SHISA9: variants seen among roughly 807,000 people sequenced by gnomAD.
SHISA9 encodes the protein shisa family member 9.
In SHISA9, 13 loss-of-function variants were observed where a neutral mutation model predicts 38.0. The observed-to-expected ratio is 0.34, with a 90% confidence interval of 0.22 to 0.54. The LOEUF is 0.54. Ranked by LOEUF, SHISA9 falls within the 20% of genes least tolerant of loss-of-function variation. The probability of loss-of-function intolerance (pLI) is 0.91; values close to 1 mark genes in which losing one functional copy is unlikely to be tolerated. For missense variants in SHISA9, 538 were observed against 575.8 expected (o/e 0.93, Z 0.67); for synonymous variants, 275 against 242.0 (o/e 1.14, Z -1.27).
the SHISA9 span, among the ~76,000 whole-genome samples, chr16:13,388,382 G>A: frequency 6.6e-6 from 1 of 151,272 alleles, no homozygotes; most frequent in Non-Finnish European, 1.5e-5. Flanking sequence ...CTCAATCTCG[G>A]CTCACTGCAA....
chr16:13,123,811 A>T (rs141470339), intron 2 of SHISA9, among the ~76,000 whole-genome samples: 14 of 152,350 alleles, frequency 9.2e-5, no homozygotes, highest in African/African-American at 3.4e-4. Context: ...ACAAGGCCAC[A>T]TTTCAAATCC....
intron 2 of SHISA9, among the ~76,000 whole-genome samples, chr16:13,048,372 C>T (rs1397658673): frequency 2.0e-5 from 3 of 152,190 alleles, no homozygotes; most frequent in Non-Finnish European, 2.9e-5. Flanking sequence ...CATCTCTTGA[C>T]TGTGCAATTT....
At chr16:13,484,211 G>C in the SHISA9 span, among the ~76,000 whole-genome samples, 1 of 152,212 alleles carries the variant, frequency 6.6e-6, no homozygotes, top group Non-Finnish European at 1.5e-5. Flanking sequence ...GTTGATGATT[G>C]TTGTTGTGGT....
At chr16:12,974,484 T>G (rs1417797342) in intron 2 of SHISA9, among the ~76,000 whole-genome samples, 2 of 64,014 alleles carry the variant, frequency 3.1e-5, no homozygotes, top group East Asian at 4.5e-4. Flanking sequence ...TGGTGGTTTT[T>G]TTTTTTTTTT....
At position 13,075,261 on chromosome 16, in the gene SHISA9, T is replaced by C. The variant is rs73518752; in HGVS notation, c.692-128133T>C. ...CTTGGATAGCATAATGAAGTCAACA[T>C]GCTGCATAATTACATACTTGGGAAG... On this transcript the variant is annotated intron_variant, in intron 2 of 4. Coordinates refer to ENST00000558583, the MANE Select transcript of SHISA9 (RefSeq NM_001145204.3). Among the ~76,000 whole-genome samples, 785 of 152,318 alleles carry C rather than the reference T, an allele frequency of 5.2e-3. 9 individuals are homozygous for C. The highest frequency in any genetic ancestry group is 0.018 in the African/African-American group (754 of 41,572).
chr16:13,407,231 G>C, the SHISA9 span, among the ~76,000 whole-genome samples: 1 of 152,142 alleles, frequency 6.6e-6, no homozygotes. Flanking sequence ...GGTGCAGGCA[G>C]GTTCAAGGTC....
At chr16:13,549,199 G>A in the SHISA9 span, among the ~76,000 whole-genome samples, 4 of 152,178 alleles carry the variant, frequency 2.6e-5, no homozygotes, top group Admixed American at 6.5e-5. Context: ...AATAATTGTT[G>A]CCAGAGACTG....
At chr16:13,352,952 T>C in the SHISA9 span, among the ~76,000 whole-genome samples, 1 of 152,170 alleles carries the variant, frequency 6.6e-6, no homozygotes, top group Non-Finnish European at 1.5e-5. Context: ...TTCACTTCTT[T>C]TGTGATTCTT....
intron 2 of SHISA9, among the ~76,000 whole-genome samples, chr16:13,011,176 C>T (rs548054605): frequency 1.3e-5 from 2 of 152,108 alleles, no homozygotes; most frequent in South Asian, 2.1e-4. Context: ...GACAGTGAAC[C>T]TTTCTTTTAT....
At chr16:13,032,102 A>C (rs1246861708) in intron 2 of SHISA9, among the ~76,000 whole-genome samples, 1 of 151,686 alleles carries the variant, frequency 6.6e-6, no homozygotes, top group Non-Finnish European at 1.5e-5. Flanking sequence ...TGTTTGCTGT[A>C]CCTATCAACC....
the SHISA9 span, among the ~76,000 whole-genome samples, chr16:13,421,045 G>A: frequency 6.6e-6 from 1 of 152,048 alleles, no homozygotes; most frequent in Non-Finnish European, 1.5e-5. Context: ...AATTAAACTG[G>A]CACCAATTAA....
the SHISA9 span, among the ~76,000 whole-genome samples, chr16:13,361,557 A>G: frequency 6.6e-6 from 1 of 152,214 alleles, no homozygotes; most frequent in African/African-American, 2.4e-5. Flanking sequence ...CCATTTGTAG[A>G]TGACAAAATG....
At chr16:13,460,790 C>T in the SHISA9 span, among the ~76,000 whole-genome samples, 1 of 152,154 alleles carries the variant, frequency 6.6e-6, no homozygotes, top group Non-Finnish European at 1.5e-5. Context: ...CCTAGGTCGA[C>T]TACAGCTGGT....
At chr16:13,134,586 C>T (rs576214986) in intron 2 of SHISA9, among the ~76,000 whole-genome samples, 3 of 151,938 alleles carry the variant, frequency 2.0e-5, no homozygotes, top group East Asian at 1.9e-4. Context: ...TTGATGTGGC[C>T]GGAGCAAAGG....
At chr16:13,308,617 T>C in the SHISA9 span, among the ~76,000 whole-genome samples, 3 of 152,190 alleles carry the variant, frequency 2.0e-5, no homozygotes, top group African/African-American at 7.2e-5. Context: ...ACCATAACTC[T>C]TAGTATCTCC....
intron 2 of SHISA9, among the ~76,000 whole-genome samples, chr16:12,972,987 G>C (rs1394213532): frequency 1.3e-5 from 2 of 152,100 alleles, no homozygotes; most frequent in Non-Finnish European, 2.9e-5. Flanking sequence ...GTGGTGGTGG[G>C]TGCCTGTAAT....
intron 2 of SHISA9, among the ~76,000 whole-genome samples, chr16:13,064,064 A>G (rs1005373312): frequency 1.3e-5 from 2 of 151,946 alleles, no homozygotes; most frequent in African/African-American, 2.4e-5. Flanking sequence ...GTCCACGTTT[A>G]ATTTCCTGTG....
At chr16:12,994,520 C>T (rs1254049206) in intron 2 of SHISA9, among the ~76,000 whole-genome samples, 2 of 152,072 alleles carry the variant, frequency 1.3e-5, no homozygotes, top group Non-Finnish European at 1.5e-5. Context: ...ATGACAAGCC[C>T]CAGATTTATG....
the SHISA9 span, among the ~76,000 whole-genome samples, chr16:13,528,252 A>G: frequency 6.6e-6 from 1 of 152,138 alleles, no homozygotes; most frequent in Admixed American, 6.5e-5. Flanking sequence ...CCCCTTGCTC[A>G]GGAGAAGAGG....
Sources: gnomAD v4.1 joint callset for allele counts (sites outside exome capture counted in the v4.1 genomes callset) on GRCh38, gnomAD v4.1.1 for gene constraint, MANE v1.5 for transcripts, NCBI Gene and HGNC (gene_info 2026-07-23, HGNC 2026-07-21) for gene names.